Variants in RABGAP1L observed in about 807,000 individuals in gnomAD.
RABGAP1L encodes RAB GTPase activating protein 1 like, also known as rab GTPase-activating protein 1-like.
RABGAP1L carries 63 observed loss-of-function variants against 137.7 expected under a neutral mutation model. The observed-to-expected ratio is 0.46, with a 90% CI of 0.37 to 0.56. The LOEUF is 0.56. RABGAP1L is among the 20% of genes least tolerant of loss of function. RABGAP1L has a pLI of 0.00. For synonymous variants in RABGAP1L, 431 were observed against 433.7 expected, an observed-to-expected ratio of 0.99 and a Z score of 0.08; for missense variants, 1,095 against 1,244.0, an observed-to-expected ratio of 0.88 and a Z score of 1.80.
rs184176894 is a variant in RABGAP1L at position 174,852,433 on chromosome 1, A to G, written c.2340+40473A>G. On this transcript the variant is annotated intron_variant, in intron 19 of 25. Transcript: ENST00000681986. ...GGTCCAGTTTTTTCTTTCTTAGATGACTTCAGGGACTTGTTGTAAGCCTGC... is the reference window on the plus strand; with the variant it reads ...GGTCCAGTTTTTTCTTTCTTAGATGGCTTCAGGGACTTGTTGTAAGCCTGC... Among the ~76,000 whole-genome samples, 585 of 152,240 alleles carry G rather than the reference A, an allele frequency of 3.8e-3. 3 individuals are homozygous for G. Among genetic ancestry groups the G allele is most frequent in the Middle Eastern group, 0.014 (4 of 294 alleles).
chr1:174,421,541 A>G (rs944447813), intron 13 of RABGAP1L, among the ~76,000 whole-genome samples: 1 of 152,218 alleles, frequency 6.6e-6, no homozygotes, highest in African/African-American at 2.4e-5. Context: ...AGCCTGAAAT[A>G]ATTTTTTTAG....
intron 1 of RABGAP1L, among the ~76,000 whole-genome samples, chr1:174,217,197 G>A (rs1167942727): frequency 6.6e-6 from 1 of 152,180 alleles, no homozygotes; most frequent in Admixed American, 6.5e-5. Context: ...GTTATTTACT[G>A]AAATGGCAAA....
chr1:174,753,315 A>G (rs1684482941), intron 18 of RABGAP1L, among the ~76,000 whole-genome samples: 2 of 152,168 alleles, frequency 1.3e-5, no homozygotes, highest in Non-Finnish European at 2.9e-5. Context: ...ATTCTTCTGA[A>G]TCTCTCAAAA....
At chr1:174,232,416 T>C (rs1444738277) in intron 4 of RABGAP1L, among the ~76,000 whole-genome samples, 1 of 149,934 alleles carries the variant, frequency 6.7e-6, no homozygotes. Flanking sequence ...ACTCGGGAGA[T>C]GGAGGTTGCG....
At chr1:174,976,985 G>T (rs886166172) in intron 22 of RABGAP1L, among the ~76,000 whole-genome samples, 55 of 152,340 alleles carry the variant, frequency 3.6e-4, no homozygotes, top group African/African-American at 1.3e-3. Flanking sequence ...TCTGCCAAGA[G>T]TGTGTTTGAA....
chr1:174,278,554 G>T (rs1675212035), intron 9 of RABGAP1L, 59 bp from the exon 10 acceptor site: 10 of 1,377,140 alleles, frequency 7.3e-6, no homozygotes, highest in Non-Finnish European at 1.0e-5. Flanking sequence ...AGGAAACTTT[G>T]TTTAAAGTAG....
intron 13 of RABGAP1L, among the ~76,000 whole-genome samples, chr1:174,445,884 A>G (rs967430645): frequency 1.3e-5 from 2 of 152,198 alleles, no homozygotes; most frequent in Non-Finnish European, 2.9e-5. Flanking sequence ...AAATGCCTTA[A>G]TATATTATAA....
At chr1:174,910,548 A>G (rs1460977402) in intron 19 of RABGAP1L, among the ~76,000 whole-genome samples, 1 of 152,200 alleles carries the variant, frequency 6.6e-6, no homozygotes, top group African/African-American at 2.4e-5. Flanking sequence ...TAACAGTGGA[A>G]GTCCTGGCCA....
rs148239934 is a variant in RABGAP1L at position 174,554,297 on chromosome 1, A to G, written c.1711-83078A>G. ...CTATTTCCCTTTTCTTTGATTTTCT[A>G]TTTTTTAGAGTGTTGAACCTACTTA... On this transcript the variant is annotated intron_variant, in intron 13 of 25. Transcript: ENST00000681986. Among the ~76,000 whole-genome samples, 144 of 152,146 alleles carry G rather than the reference A, an allele frequency of 9.5e-4. 1 individual carries two copies. The highest frequency in any genetic ancestry group is 2.3e-3 in the African/African-American group (96 of 41,516).
chr1:174,801,605 A>C (rs1688762702), intron 18 of RABGAP1L, among the ~76,000 whole-genome samples: 1 of 152,220 alleles, frequency 6.6e-6, no homozygotes, highest in Non-Finnish European at 1.5e-5. Context: ...ACTAGCATAC[A>C]ATTATAGGGG....
At chr1:174,590,419 A>G (rs1430800950) in intron 13 of RABGAP1L, among the ~76,000 whole-genome samples, 6 of 117,900 alleles carry the variant, frequency 5.1e-5, no homozygotes, top group Non-Finnish European at 1.0e-4. Flanking sequence ...TTACATATGT[A>G]TACATGTGCC....
At chr1:174,640,398 T>G (rs982603336) in intron 14 of RABGAP1L, among the ~76,000 whole-genome samples, 2 of 152,128 alleles carry the variant, frequency 1.3e-5, no homozygotes, top group African/African-American at 4.8e-5. Context: ...TGTATCCAAT[T>G]TGAACCACAG....
chr1:174,380,698 G>GC (rs1686056340), intron 12 of RABGAP1L, among the ~76,000 whole-genome samples: 1 of 141,104 alleles, frequency 7.1e-6, no homozygotes, highest in Non-Finnish European at 1.5e-5. Context: ...TATTAGTCTT[G>GC]CTAGCGGTCT....
At chr1:174,228,476 G>C (rs1209607516) in intron 3 of RABGAP1L, among the ~76,000 whole-genome samples, 1 of 151,918 alleles carries the variant, frequency 6.6e-6, no homozygotes, top group African/African-American at 2.4e-5. Flanking sequence ...GTTACATTAA[G>C]AAAAGTATGT....
At chr1:174,214,386 A>G (rs1351081121) in intron 1 of RABGAP1L, among the ~76,000 whole-genome samples, 2 of 152,196 alleles carry the variant, frequency 1.3e-5, no homozygotes, top group Non-Finnish European at 2.9e-5. Flanking sequence ...GGAGGAACCA[A>G]TATTGTTAAA....
intron 13 of RABGAP1L, among the ~76,000 whole-genome samples, chr1:174,486,692 T>C (rs1659700304): frequency 6.6e-6 from 1 of 152,136 alleles, no homozygotes; most frequent in Admixed American, 6.6e-5. Context: ...TTGAGTTTGG[T>C]TTACTCTTGG....
At position 174,598,463 on chromosome 1, in the gene RABGAP1L, T is replaced by G. The variant is rs536681140; in HGVS notation, c.1711-38912T>G. 3.3e-5 allele frequency among the ~76,000 whole-genome samples: 5 copies of G among 152,318 alleles called. No homozygotes were observed. In the South Asian group the frequency reaches 1.0e-3, roughly 32 times the overall value. On this transcript the variant is annotated intron_variant, in intron 13 of 25. Transcript: ENST00000681986. ...GTGCTAAGTCCAATTTTTTTGTTGATTTTTCAGTCTGGATGATCTGTCCAG... is the reference window on the plus strand; with the variant it reads ...GTGCTAAGTCCAATTTTTTTGTTGAGTTTTCAGTCTGGATGATCTGTCCAG...
intron 14 of RABGAP1L, among the ~76,000 whole-genome samples, chr1:174,677,380 A>G (rs1677719480): frequency 6.6e-6 from 1 of 152,240 alleles, no homozygotes; most frequent in Non-Finnish European, 1.5e-5. Flanking sequence ...AGGATTAATT[A>G]GGCCTAACAT....
chr1:174,852,032 G>A (rs909970714), intron 19 of RABGAP1L, among the ~76,000 whole-genome samples: 1 of 152,000 alleles, frequency 6.6e-6, no homozygotes, highest in Non-Finnish European at 1.5e-5. Context: ...CTGAATAAAG[G>A]TAGTTTACCT....
Sources: allele counts gnomAD v4.1 joint callset (sites outside exome capture counted in the v4.1 genomes callset), GRCh38; gene constraint gnomAD v4.1.1; transcripts MANE v1.5; gene names NCBI Gene and HGNC (gene_info 2026-07-23, HGNC 2026-07-21).